CNTNAP5: variants seen among roughly 807,000 people sequenced by gnomAD.
CNTNAP5 encodes contactin associated protein family member 5, also known as contactin-associated protein-like 5.
In CNTNAP5, 72 loss-of-function variants were observed where a neutral mutation model predicts 150.2. The observed-to-expected ratio is 0.48, with a 90% CI of 0.40 to 0.58. CNTNAP5 has a LOEUF of 0.58. CNTNAP5 is among the 20% of genes least tolerant of loss of function. The probability of loss-of-function intolerance (pLI) is 0.00; values close to 1 mark genes in which losing one functional copy is unlikely to be tolerated. For missense variants in CNTNAP5, 1,636 were observed against 1,626.2 expected (o/e 1.01, Z -0.10); for synonymous variants, 672 against 619.8 (o/e 1.08, Z -1.25).
At chr2:124,223,737 A>C (rs1272518831) in intron 2 of CNTNAP5, among the ~76,000 whole-genome samples, 1 of 151,698 alleles carries the variant, frequency 6.6e-6, no homozygotes, top group Non-Finnish European at 1.5e-5. Context: ...GCTCCAACTT[A>C]TTATAATTTT....
At chr2:124,799,618 T>C (rs1250472277) in intron 19 of CNTNAP5, among the ~76,000 whole-genome samples, 1 of 152,206 alleles carries the variant, frequency 6.6e-6, no homozygotes, top group East Asian at 1.9e-4. Flanking sequence ...CAGAGTCCTC[T>C]CCAGGCCTTA....
chr2:124,207,039 A>T (rs1455763056), intron 1 of CNTNAP5, among the ~76,000 whole-genome samples: 3 of 152,232 alleles, frequency 2.0e-5, no homozygotes, highest in African/African-American at 7.2e-5. Flanking sequence ...AATGGTAGCC[A>T]TTCACATTTT....
chr2:124,208,671 C>A (rs980843700), intron 1 of CNTNAP5, among the ~76,000 whole-genome samples: 4 of 152,122 alleles, frequency 2.6e-5, no homozygotes, highest in African/African-American at 9.7e-5. Flanking sequence ...CCATTCCTGA[C>A]AAATAAATAG....
chr2:124,125,305 A>G (rs934388214), intron 1 of CNTNAP5, among the ~76,000 whole-genome samples: 2 of 152,206 alleles, frequency 1.3e-5, no homozygotes, highest in Non-Finnish European at 1.5e-5. Context: ...AAAGATCAAA[A>G]GAGACAAAGA....
intron 21 of CNTNAP5, among the ~76,000 whole-genome samples, chr2:124,898,214 C>T (rs186526672): frequency 6.0e-4 from 91 of 151,474 alleles, no homozygotes; most frequent in Middle Eastern, 6.8e-3. Flanking sequence ...TTATAAGCCC[C>T]TGTTGTATGG....
chr2:124,183,394 T>G (rs1314586729), intron 1 of CNTNAP5, among the ~76,000 whole-genome samples: 1 of 152,212 alleles, frequency 6.6e-6, no homozygotes, highest in African/African-American at 2.4e-5. Context: ...TTTTGATAAA[T>G]AGTAAAAATG....
At chr2:124,907,620 A>T (rs1399764113) in intron 22 of CNTNAP5, among the ~76,000 whole-genome samples, 5 of 150,162 alleles carry the variant, frequency 3.3e-5, no homozygotes, top group Admixed American at 6.7e-5. Flanking sequence ...TATATATATG[A>T]TATAAATAGA....
chr2:124,319,900 A>G (rs1689057412), intron 3 of CNTNAP5, among the ~76,000 whole-genome samples: 2 of 152,202 alleles, frequency 1.3e-5, no homozygotes. Flanking sequence ...CAGCTTTATA[A>G]CTATATATTA....
At chr2:124,882,210 C>T (rs141409135) in intron 21 of CNTNAP5, among the ~76,000 whole-genome samples, 12 of 152,046 alleles carry the variant, frequency 7.9e-5, no homozygotes, top group Admixed American at 5.9e-4. Flanking sequence ...GGGCCAACAT[C>T]CCTGAGGATA....
intron 3 of CNTNAP5, among the ~76,000 whole-genome samples, chr2:124,383,170 C>A (rs935449311): frequency 3.3e-5 from 5 of 152,088 alleles, no homozygotes; most frequent in African/African-American, 1.2e-4. Flanking sequence ...ACACATTTGG[C>A]GAACATTATT....
In CNTNAP5 at chr2:124,823,431, G is replaced by A. The variant is rs190929757; in HGVS notation, c.3217+25111G>A. Among the ~76,000 whole-genome samples the A allele has an allele frequency of 1.4e-3, 211 of 152,192 alleles. 2 individuals carry two copies. Among genetic ancestry groups the A allele is most frequent in the African/African-American group, 4.8e-3 (198 of 41,530 alleles). ...TCACACATTTCACCTTTCAAAGACC[G>A]TCACCACACCAGCTCCATGCCCTAC... On this transcript the variant is annotated intron_variant, in intron 19 of 23. Transcript: ENST00000682447.
chr2:124,611,624 G>A (rs906840602), intron 12 of CNTNAP5, among the ~76,000 whole-genome samples: 39 of 152,092 alleles, frequency 2.6e-4, no homozygotes, highest in African/African-American at 8.7e-4. Context: ...TGCTAAAAAG[G>A]CAGATTTCCC....
intron 3 of CNTNAP5, among the ~76,000 whole-genome samples, chr2:124,336,619 G>C (rs569815806): frequency 2.1e-5 from 3 of 145,432 alleles, no homozygotes; most frequent in Admixed American, 1.4e-4. Flanking sequence ...GTGAGAACAC[G>C]CAGTGTTTGG....
chr2:124,616,111 T>C, intron 12 of CNTNAP5, among the ~76,000 whole-genome samples: 1 of 152,282 alleles, frequency 6.6e-6, no homozygotes, highest in East Asian at 1.9e-4. Flanking sequence ...ATTTTGAGAA[T>C]GGCAAATGAG....
chr2:124,522,943 G>GCTGTTCCACC (rs1694881890), intron 8 of CNTNAP5, among the ~76,000 whole-genome samples: 1 of 152,092 alleles, frequency 6.6e-6, no homozygotes, highest in Non-Finnish European at 1.5e-5. Flanking sequence ...CTCACATATT[G>GCTGTTCCACC]CTGTTCCACC....
intron 1 of CNTNAP5, among the ~76,000 whole-genome samples, chr2:124,203,590 T>A (rs1324634669): frequency 1.3e-5 from 2 of 152,160 alleles, no homozygotes; most frequent in South Asian, 4.1e-4. Flanking sequence ...TCCAGGCATT[T>A]CCATACATCC....
intron 12 of CNTNAP5, among the ~76,000 whole-genome samples, chr2:124,638,771 A>G (rs1678026559): frequency 6.6e-6 from 1 of 151,932 alleles, no homozygotes; most frequent in Non-Finnish European, 1.5e-5. Context: ...AATGTATCAT[A>G]CTCTTTTGTG....
intron 12 of CNTNAP5, among the ~76,000 whole-genome samples, chr2:124,643,449 C>G (rs1558717201): frequency 6.6e-6 from 1 of 151,056 alleles, no homozygotes; most frequent in Non-Finnish European, 1.5e-5. Context: ...ATGCAAAGGA[C>G]ACAAATAAAG....
intron 10 of CNTNAP5, among the ~76,000 whole-genome samples, chr2:124,551,150 G>C (rs183470390): frequency 6.6e-6 from 1 of 152,064 alleles, no homozygotes; most frequent in Admixed American, 6.5e-5. Context: ...TTGAACCCCA[G>C]CATTGTTGCT....
Sources: gnomAD v4.1 joint callset for allele counts (sites outside exome capture counted in the v4.1 genomes callset) on GRCh38, gnomAD v4.1.1 for gene constraint, MANE v1.5 for transcripts, NCBI Gene and HGNC (gene_info 2026-07-23, HGNC 2026-07-21) for gene names.